The following IRAK2 variants were observed in gnomAD, a reference collection of about 807,000 sequenced individuals.
IRAK2 encodes the protein interleukin-1 receptor-associated kinase-like 2.
A neutral mutation model predicts 72.0 loss-of-function variants in IRAK2; 57 were observed. That is an observed-to-expected ratio of 0.79 (90% CI 0.64 to 0.99). The LOEUF (loss-of-function observed/expected upper bound fraction) is 0.99, where lower values mean the gene tolerates loss of function less well. Ranked by LOEUF, IRAK2 falls within the 50% of genes least tolerant of loss-of-function variation. IRAK2 has a pLI of 0.00. For missense variants in IRAK2, 790 were observed against 794.4 expected (o/e 0.99, Z 0.07); for synonymous variants, 293 against 312.7 (o/e 0.94, Z 0.67).
intron 2 of IRAK2, 78 bp downstream of exon 2, chr3:10,178,098 T>C: frequency 8.6e-7 from 1 of 1,165,392 alleles, no homozygotes; most frequent in Non-Finnish European, 1.2e-6. Context: ...TTGCACTCTC[T>C]GGCCTTAATA....
At chr3:10,200,253 A>G in intron 2 of IRAK2, 116 bp from the exon 3 acceptor site, 2 of 883,788 alleles carry the variant, frequency 2.3e-6, no homozygotes, top group Non-Finnish European at 3.5e-6. Flanking sequence ...CTGCAACACC[A>G]TGCATTTGTG....
intron 2 of IRAK2, among the ~76,000 whole-genome samples, chr3:10,193,444 A>AT (rs1697207005): frequency 1.3e-5 from 2 of 151,562 alleles, no homozygotes; most frequent in South Asian, 4.3e-4. Context: ...TCTCTACCAA[A>AT]AAAAAACAAA....
chr3:10,172,108 T>G lies in IRAK2; in HGVS notation c.95-5730T>G, dbSNP rs182546108. On this transcript the variant is annotated intron_variant, in intron 1 of 12. Transcript: ENST00000256458. ...AAAATTGGCCAGGTGCGGTGGCTCA[T>G]GCCTGTAATCCTAGCTCTTTGGGAG... is the stretch of plus-strand genomic sequence containing the variant. Among the ~76,000 whole-genome samples the G allele has an allele frequency of 6.6e-5, 10 of 152,094 alleles. No homozygotes were observed. The East Asian group carries it at 7.8e-4, about 12-fold the overall frequency.
chr3:10,178,158 C>T (rs1696907202), intron 2 of IRAK2, 138 bp downstream of exon 2: 10 of 733,298 alleles, frequency 1.4e-5, no homozygotes, highest in Non-Finnish European at 2.2e-5. Flanking sequence ...TTACCATGCA[C>T]ATAAGAAACT....
chr3:10,197,390 A>C (rs918161420), intron 2 of IRAK2, among the ~76,000 whole-genome samples: 1 of 151,670 alleles, frequency 6.6e-6, no homozygotes, highest in African/African-American at 2.4e-5. Context: ...GTCTCAAAAA[A>C]AAAAAAAAGA....
At chr3:10,231,610 G>C (rs921920021) in intron 10 of IRAK2, among the ~76,000 whole-genome samples, 2 of 152,030 alleles carry the variant, frequency 1.3e-5, no homozygotes, top group Admixed American at 6.6e-5. Context: ...GCTTTTTAAG[G>C]GTGGTTTGTT....
At chr3:10,208,835 C>T (rs1012975434) in intron 3 of IRAK2, among the ~76,000 whole-genome samples, 2 of 152,056 alleles carry the variant, frequency 1.3e-5, no homozygotes, top group Non-Finnish European at 1.5e-5. Flanking sequence ...TCTCAAACTC[C>T]TGGGCTGAAG....
At chr3:10,178,174 C>A (rs1696907427) in intron 2 of IRAK2, among the ~76,000 whole-genome samples, 154 bp downstream of exon 2, 1 of 152,072 alleles carries the variant, frequency 6.6e-6, no homozygotes, top group Admixed American at 6.6e-5. Context: ...AAACTGGTAA[C>A]AGGCCAGGTG....
chr3:10,180,705 G>A (rs1405591500), intron 2 of IRAK2, among the ~76,000 whole-genome samples: 3 of 152,088 alleles, frequency 2.0e-5, no homozygotes, highest in Non-Finnish European at 2.9e-5. Context: ...CAGGAGGGGG[G>A]ACTGGGAGCA....
At chr3:10,166,921 G>A (rs773328009) in intron 1 of IRAK2, among the ~76,000 whole-genome samples, 1 of 152,252 alleles carries the variant, frequency 6.6e-6, no homozygotes, top group Non-Finnish European at 1.5e-5. Flanking sequence ...TGGGATTACA[G>A]GCGTGAGCCA....
intron 2 of IRAK2, among the ~76,000 whole-genome samples, chr3:10,199,289 A>G (rs1697317849): frequency 6.6e-6 from 1 of 152,154 alleles, no homozygotes; most frequent in African/African-American, 2.4e-5. Context: ...AAGTTGATGT[A>G]AAAAGGAAAT....
rs56802078 is a variant in IRAK2 at position 10,192,023 on chromosome 3, A to AGTGTGTGTGTGTGTGTGT, written c.278-8325_278-8308dup. Among the ~76,000 whole-genome samples the AGTGTGTGTGTGTGTGTGT allele has an allele frequency of 2.5e-4, 34 of 135,796 alleles. 1 individual carries two copies. Among genetic ancestry groups the AGTGTGTGTGTGTGTGTGT allele is most frequent in the African/African-American group, 8.7e-4 (32 of 36,788 alleles). The allele number at this position is 135,796 out of a possible 152,430, so 89.1% of individuals were successfully genotyped here. A position where few individuals can be genotyped will look rare whatever the true frequency, so the allele number is the denominator to read the frequency against. On this transcript the variant is annotated intron_variant, in intron 2 of 12. Coordinates refer to ENST00000256458, the MANE Select transcript of IRAK2 (RefSeq NM_001570.4). ...CATTTCAGGTCTAGCTTGAGTTGGG[A>AGTGTGTGTGTGTGTGTGT]GTGTGTGTGTGTGTGTGTGTGTGTG... is the stretch of plus-strand genomic sequence containing the variant.
At chr3:10,216,750 C>T (rs1402990065) in intron 6 of IRAK2, among the ~76,000 whole-genome samples, 184 bp from the exon 7 acceptor site, 2 of 152,098 alleles carry the variant, frequency 1.3e-5, no homozygotes, top group South Asian at 2.1e-4. Flanking sequence ...CCACCATACT[C>T]GTTGAAGGCA....
intron 9 of IRAK2, 41 bp downstream of exon 9, chr3:10,222,872 A>G: frequency 1.3e-6 from 2 of 1,562,574 alleles, no homozygotes; most frequent in African/African-American, 1.3e-5. Flanking sequence ...GCCCACCTTG[A>G]TTTGTCCTTC....
At chr3:10,238,691 G>C in intron 11 of IRAK2, 57 bp from the exon 12 acceptor site, 1 of 1,537,666 alleles carries the variant, frequency 6.5e-7, no homozygotes. Flanking sequence ...CCAGATGTTA[G>C]CATTTCTATT....
In IRAK2 at chr3:10,239,030, C is replaced by A; in HGVS notation, c.1756C>A (p.Pro586Thr). ...TGAGGCCTGTGTTGGCCTGGAGCCT[C>A]CCCAGGATGGTAAGCCGGAAGTCAG... ...SSEACVGLEP[P>T]QDVTETSWQI... is the part of the protein sequence containing the mutation. The change falls in exon 12 of 13, where the codon CCC becomes ACC. Residue 586 changes from proline (P) to threonine (T), a missense_variant. Transcript: ENST00000256458. 1 of 1,592,770 alleles carries A rather than the reference C, an allele frequency of 6.3e-7. No individual in the cohort carries two copies. The highest frequency in any genetic ancestry group is 8.6e-7 in the Non-Finnish European group (1 of 1,168,912).
In IRAK2 at chr3:10,229,270, G is replaced by C. The variant is rs1056387641; in HGVS notation, c.1272+2837G>C. On this transcript the variant is annotated intron_variant, in intron 10 of 12. Coordinates refer to ENST00000256458, the MANE Select transcript of IRAK2 (RefSeq NM_001570.4). ...TTAATTTAATTTGATTTAGAGATAG[G>C]GAGGGGTCTTGCCCTGTCACCCAGG... Among the ~76,000 whole-genome samples, 4 of 151,940 alleles carry C rather than the reference G, an allele frequency of 2.6e-5. No individual in the cohort carries two copies. The East Asian group carries it at 5.8e-4, about 22-fold the overall frequency.
At chr3:10,214,391 C>CTTTTTTTTTTTT (rs534445139) in intron 6 of IRAK2, among the ~76,000 whole-genome samples, 13 of 95,412 alleles carry the variant, frequency 1.4e-4, no homozygotes, top group Non-Finnish European at 2.2e-4. Context: ...TCATTTTTTG[C>CTTTTTTTTTTTT]TTTTTTTTTT....
intron 3 of IRAK2, among the ~76,000 whole-genome samples, chr3:10,209,282 C>T (rs575624865): frequency 2.6e-5 from 4 of 152,242 alleles, no homozygotes; most frequent in South Asian, 4.2e-4. Flanking sequence ...AACAGATTTC[C>T]GTCTGAATTT....
Sources: allele counts gnomAD v4.1 joint callset (sites outside exome capture counted in the v4.1 genomes callset), GRCh38; gene constraint gnomAD v4.1.1; transcripts MANE v1.5; gene names NCBI Gene and HGNC (gene_info 2026-07-23, HGNC 2026-07-21).